The following ANKS1B variants were observed in gnomAD, a reference collection of about 807,000 sequenced individuals.
The protein encoded by ANKS1B is ankyrin repeat and sterile alpha motif domain-containing protein 1B.
ANKS1B carries 36 observed loss-of-function variants against 148.3 expected under a neutral mutation model. The ratio of observed to expected loss-of-function variants is 0.24; its 90% CI spans 0.19 to 0.32. The LOEUF (loss-of-function observed/expected upper bound fraction) is 0.32, where lower values mean the gene tolerates loss of function less well. ANKS1B is among the 10% of genes least tolerant of loss of function. The pLI is 1.00. For synonymous variants in ANKS1B, 542 were observed against 560.8 expected, an observed-to-expected ratio of 0.97 and a Z score of 0.47; for missense variants, 1,157 against 1,542.6, an observed-to-expected ratio of 0.75 and a Z score of 4.19.
intron 17 of ANKS1B, among the ~76,000 whole-genome samples, chr12:98,852,469 C>G (rs889340648): frequency 5.3e-5 from 8 of 152,032 alleles, no homozygotes; most frequent in African/African-American, 1.9e-4. Flanking sequence ...ACAGGGTTGG[C>G]AGGGAACATG....
chr12:99,146,687 T>C (rs2073239590), intron 15 of ANKS1B, among the ~76,000 whole-genome samples: 1 of 152,140 alleles, frequency 6.6e-6, no homozygotes, highest in Non-Finnish European at 1.5e-5. Flanking sequence ...AAACCCTTCA[T>C]GTAGCCACCT....
intron 13 of ANKS1B, among the ~76,000 whole-genome samples, chr12:99,246,002 A>G (rs2073829176): frequency 6.6e-6 from 1 of 152,138 alleles, no homozygotes; most frequent in Admixed American, 6.5e-5. Flanking sequence ...CGAGATGTGA[A>G]TATTCTCTTG....
chr12:99,070,900 C>A lies in ANKS1B; in HGVS notation c.2625+14025G>T, dbSNP rs60764062. Among the ~76,000 whole-genome samples the A allele has an allele frequency of 6.2e-4, 95 of 152,154 alleles. 1 individual carries two copies. The highest frequency in any genetic ancestry group is 1.6e-3 in the Admixed American group (25 of 15,300). On this transcript the variant is annotated intron_variant, in intron 16 of 26. Transcript: ENST00000683438. The stretch of plus-strand genomic sequence containing the variant: ...GCCTTGTCTTGAAGTCCTTCCCTCA[C>A]GCGATCCTCCTGCCTTGGCCTCCCA...
At chr12:98,797,566 T>TA (rs1258991420) in intron 22 of ANKS1B, among the ~76,000 whole-genome samples, 3 of 152,244 alleles carry the variant, frequency 2.0e-5, no homozygotes, top group Non-Finnish European at 4.4e-5. Context: ...CTTGTTTTTT[T>TA]ATCTAAACTC....
intron 9 of ANKS1B, among the ~76,000 whole-genome samples, chr12:99,508,448 G>C (rs554382052): frequency 2.3e-4 from 35 of 151,716 alleles, no homozygotes; most frequent in Non-Finnish European, 3.7e-4. Context: ...AGCATTTGCA[G>C]TTTTCTACCC....
At chr12:99,130,255 G>A (rs1477770651) in intron 15 of ANKS1B, among the ~76,000 whole-genome samples, 1 of 152,122 alleles carries the variant, frequency 6.6e-6, no homozygotes, top group Non-Finnish European at 1.5e-5. Flanking sequence ...TGTGAAACAT[G>A]AAAGATGAGT....
intron 12 of ANKS1B, among the ~76,000 whole-genome samples, chr12:99,376,509 C>T (rs188494706): frequency 1.3e-5 from 2 of 152,254 alleles, no homozygotes; most frequent in Non-Finnish European, 2.9e-5. Flanking sequence ...GGAAATGCTG[C>T]TGAGGAAAGG....
intron 1 of ANKS1B, among the ~76,000 whole-genome samples, chr12:99,893,786 A>G (rs565913595): frequency 6.6e-6 from 1 of 152,192 alleles, no homozygotes; most frequent in African/African-American, 2.4e-5. Context: ...AATCGTTTCC[A>G]GCTGCAACCA....
intron 8 of ANKS1B, among the ~76,000 whole-genome samples, chr12:99,670,870 C>T (rs959485045): frequency 1.3e-5 from 2 of 151,976 alleles, no homozygotes; most frequent in Non-Finnish European, 2.9e-5. Flanking sequence ...GGCAAATGAG[C>T]TATTAGGAAA....
intron 15 of ANKS1B, among the ~76,000 whole-genome samples, chr12:99,112,512 T>C (rs2153703000): frequency 6.6e-6 from 1 of 152,082 alleles, no homozygotes; most frequent in Middle Eastern, 3.4e-3. Flanking sequence ...TGACATTTAT[T>C]TTTCCATTGT....
At chr12:99,505,337 G>C (rs999371017) in intron 9 of ANKS1B, among the ~76,000 whole-genome samples, 5 of 151,960 alleles carry the variant, frequency 3.3e-5, no homozygotes, top group Non-Finnish European at 5.9e-5. Flanking sequence ...CATTCTTACA[G>C]TTTGAGCCAT....
At chr12:99,502,712 A>G (rs1438795958) in intron 10 of ANKS1B, among the ~76,000 whole-genome samples, 14 of 152,208 alleles carry the variant, frequency 9.2e-5, no homozygotes, top group Non-Finnish European at 2.9e-5. Flanking sequence ...ACAGCATTGT[A>G]AGAATCATAT....
intron 14 of ANKS1B, among the ~76,000 whole-genome samples, chr12:99,188,750 T>A (rs2080233199): frequency 6.6e-6 from 1 of 152,036 alleles, no homozygotes; most frequent in Non-Finnish European, 1.5e-5. Flanking sequence ...ACGGGAAAGA[T>A]CTAAAATCAA....
intron 19 of ANKS1B, among the ~76,000 whole-genome samples, chr12:98,819,275 A>T (rs1048716960): frequency 2.0e-5 from 3 of 152,240 alleles, no homozygotes; most frequent in African/African-American, 7.2e-5. Flanking sequence ...GGAAATTTTC[A>T]TGAAGAAAAG....
At chr12:99,554,770 T>A (rs1305454170) in intron 9 of ANKS1B, among the ~76,000 whole-genome samples, 2 of 152,176 alleles carry the variant, frequency 1.3e-5, no homozygotes, top group African/African-American at 4.8e-5. Flanking sequence ...GTCACAGGGG[T>A]TTGGAGTACA....
chr12:99,130,544 C>G (rs2065800185), intron 15 of ANKS1B, among the ~76,000 whole-genome samples: 2 of 152,186 alleles, frequency 1.3e-5, no homozygotes, highest in Admixed American at 1.3e-4. Flanking sequence ...CTGTCCATCA[C>G]TATAGCCACA....
At chr12:99,432,847 C>A (rs541972768) in intron 11 of ANKS1B, among the ~76,000 whole-genome samples, 6 of 152,228 alleles carry the variant, frequency 3.9e-5, no homozygotes, top group Non-Finnish European at 5.9e-5. Flanking sequence ...GGGAAGATGA[C>A]ATGGCTAGTG....
intron 1 of ANKS1B, among the ~76,000 whole-genome samples, chr12:99,959,642 G>A (rs1209069254): frequency 2.6e-5 from 4 of 151,988 alleles, no homozygotes; most frequent in African/African-American, 4.8e-5. Context: ...TAAGAGTAAC[G>A]TATTTCCAAA....
intron 14 of ANKS1B, among the ~76,000 whole-genome samples, chr12:99,183,195 C>A (rs1438963686): frequency 6.6e-6 from 1 of 152,128 alleles, no homozygotes. Context: ...ACATGATGAC[C>A]TTCATTCCCT....
Sources: gnomAD v4.1 joint callset for allele counts (sites outside exome capture counted in the v4.1 genomes callset) on GRCh38, gnomAD v4.1.1 for gene constraint, MANE v1.5 for transcripts, NCBI Gene and HGNC (gene_info 2026-07-23, HGNC 2026-07-21) for gene names.